Variants in TMEM147 observed in about 807,000 individuals in gnomAD.
TMEM147 encodes the protein BOS complex subunit TMEM147.
Under a neutral mutation model 29.4 loss-of-function variants are expected in TMEM147, and 29 were observed. The ratio of observed to expected loss-of-function variants is 0.99; its 90% confidence interval spans 0.73 to 1.34. TMEM147 has a LOEUF of 1.34. TMEM147 is among the 40% of genes most tolerant of loss of function. The probability of loss-of-function intolerance (pLI) is 0.00; values close to 1 mark genes in which losing one functional copy is unlikely to be tolerated. For missense variants in TMEM147, 260 were observed against 289.4 expected (o/e 0.90, Z 0.74); for synonymous variants, 121 against 111.8 (o/e 1.08, Z -0.52).
At chr19:35,547,287 T>C in intron 6 of TMEM147, 37 bp from the exon 7 acceptor site, 1 of 1,614,116 alleles carries the variant, frequency 6.2e-7, no homozygotes, top group Non-Finnish European at 8.5e-7. Flanking sequence ...GGGTGGGTTA[T>C]CTAGTCTCCC....
In TMEM147 at chr19:35,546,537, G is replaced by T. The variant is rs746637173; in HGVS notation, c.159G>T (p.Leu53Phe). ...LFVQLCKMLF[L>F]ATFFPTWEGG... ...CTTTCTGTTCTCAGATGCTGTTCTT[G>T]GCCACTTTCTTTCCCACCTGGGAAG... The change falls in exon 3 of 7, where the codon TTG becomes TTT. Residue 53 changes from leucine (L) to phenylalanine (F), a missense_variant. Leu to Phe is a conservative substitution (Grantham distance 22, BLOSUM62 0). Transcript: ENST00000222284. 53 of 1,612,918 alleles carry T rather than the reference G, an allele frequency of 3.3e-5. No homozygotes were observed. Among genetic ancestry groups the T allele is most frequent in the Non-Finnish European group, 4.4e-5 (52 of 1,179,542 alleles).
chr19:35,546,367 C>T lies in TMEM147; in HGVS notation c.148-159C>T, dbSNP rs1343207171. 7.3e-6 allele frequency: 6 copies of T among 826,794 alleles called. 1 individual carries two copies. Among genetic ancestry groups the T allele is most frequent in the East Asian group, 2.7e-5 (1 of 36,924 alleles). 51.2% of individuals were successfully genotyped at this position (826,794 alleles called of 1,614,324 possible). ...CCCGGGGACCTATCCTCTATCTCCC[C>T]GATTCCTGTAATTTTGCCACCATCT... is the stretch of plus-strand genomic sequence containing the variant. On this transcript the variant is annotated intron_variant, in intron 2 of 6. Coordinates refer to ENST00000222284, the MANE Select transcript of TMEM147 (RefSeq NM_032635.4).
intron 2 of TMEM147, 157 bp downstream of exon 2, chr19:35,546,114 TAA>T: frequency 1.2e-6 from 1 of 839,972 alleles, no homozygotes; most frequent in Non-Finnish European, 1.9e-6. Flanking sequence ...GGATGGACTT[TAA>T]AGAGGGCACG....
In TMEM147 at chr19:35,545,627, G is replaced by C; in HGVS notation, c.-113G>C. On this transcript the variant is annotated 5_prime_UTR_variant, in exon 1 of 7. Coordinates refer to ENST00000222284, the MANE Select transcript of TMEM147 (RefSeq NM_032635.4). ...GAAGGTCGCGCGCGGGCCCCCGCCA[G>C]TCAGGTGGGTGCCAGGCCCTGGCCG... 1 of 1,201,852 alleles carries C rather than the reference G, an allele frequency of 8.3e-7. No homozygotes were observed. The highest frequency in any genetic ancestry group is 1.1e-6 in the Non-Finnish European group (1 of 883,570). The allele number at this position is 1,201,852 out of a possible 1,614,324, so 74.4% of individuals were successfully genotyped here.
In TMEM147 at chr19:35,547,180, C is replaced by G; in HGVS notation, c.491C>G (p.Thr164Ser). The change falls in exon 6 of 7, where the codon ACC becomes AGC. Residue 164 changes from threonine to serine, a missense_variant. Transcript: ENST00000222284. ...ATAACACGCTATGATCTGTACCACA[C>G]CTTCCGGCCAGCTGTCCTCCTGCTG... is the stretch of plus-strand genomic sequence containing the variant. ...WMITRYDLYH[T>S]FRPAVLLLMF... 6.2e-7 allele frequency: 1 copy of G among 1,614,212 alleles called. No homozygotes were observed. Among genetic ancestry groups the G allele is most frequent in the Non-Finnish European group, 8.5e-7 (1 of 1,180,044 alleles).
rs546558418 is a variant in TMEM147 at position 35,546,969 on chromosome 19, C to T, written c.369C>T (p.Ala123=). The T allele has an allele frequency of 8.3e-5, 134 of 1,614,046 alleles. No homozygotes were observed. The highest frequency in any genetic ancestry group is 1.1e-4 in the Non-Finnish European group (128 of 1,180,048). The change falls in exon 5 of 7, where the codon GCC becomes GCT. Residue 123 remains alanine (A), a synonymous_variant. Transcript: ENST00000222284. ...MSRCIPLWVG[A]RGIEFDWKYI... is the part of the protein sequence containing the mutation. ...GCTGCATTCCCCTATGGGTCGGAGCCCGGGGCATTGAGTTTGACTGGAAGT... is the reference window on the plus strand; with the variant it reads ...GCTGCATTCCCCTATGGGTCGGAGCTCGGGGCATTGAGTTTGACTGGAAGT...
chr19:35,547,269 C>A (rs375463206), intron 6 of TMEM147, 29 bp downstream of exon 6: 88 of 1,613,950 alleles, frequency 5.5e-5, no homozygotes, highest in Non-Finnish European at 7.2e-5. Flanking sequence ...AGGGCTGGGT[C>A]CAAAGTGGGG....
Position 35,547,041 on chromosome 19 carries a change from T to C in TMEM147, c.429+12T>C. 1 of 1,614,212 alleles carries C rather than the reference T, an allele frequency of 6.2e-7. No homozygotes were observed. The highest frequency in any genetic ancestry group is 8.5e-7 in the Non-Finnish European group (1 of 1,180,030). ...CCAACATCAGTCTGGTAGGCAGTCG[T>C]GCTCTCCCACATACACATTTCTGCT... On this transcript the variant is annotated intron_variant, in intron 5 of 6. Coordinates refer to ENST00000222284, the MANE Select transcript of TMEM147 (RefSeq NM_032635.4).
At position 35,546,508 on chromosome 19, in the gene TMEM147, T is replaced by G. The variant is rs779427763; in HGVS notation, c.148-18T>G. ...TCCCCTCACCTTGAAGTGACCTCTT[T>G]CTGCTTTCTGTTCTCAGATGCTGTT... is the stretch of plus-strand genomic sequence containing the variant. On this transcript the variant is annotated intron_variant, in intron 2 of 6. Coordinates refer to ENST00000222284, the MANE Select transcript of TMEM147 (RefSeq NM_032635.4). 1.9e-6 allele frequency: 3 copies of G among 1,607,032 alleles called. No homozygotes were observed. In the East Asian group the frequency reaches 6.7e-5, roughly 36 times the overall value.
chr19:35,546,522 T>G lies in TMEM147; in HGVS notation c.148-4T>G. On this transcript the variant is annotated splice_polypyrimidine_tract_variant and splice_region_variant and intron_variant, in intron 2 of 6. Coordinates refer to ENST00000222284, the MANE Select transcript of TMEM147 (RefSeq NM_032635.4). Reference sequence around the variant, plus strand: ...AGTGACCTCTTTCTGCTTTCTGTTCTCAGATGCTGTTCTTGGCCACTTTCT... The same window carrying G: ...AGTGACCTCTTTCTGCTTTCTGTTCGCAGATGCTGTTCTTGGCCACTTTCT... 6.2e-7 allele frequency: 1 copy of G among 1,611,778 alleles called. No homozygotes were observed. Among genetic ancestry groups the G allele is most frequent in the Non-Finnish European group, 8.5e-7 (1 of 1,179,028 alleles).
chr19:35,546,571 T>G lies in TMEM147; in HGVS notation c.193T>G (p.Tyr65Asp). ...CTTTCCCACCTGGGAAGGCGGCATC[T>G]ATGACTTCATTGGGGTGAGAGGGGC... ...TFFPTWEGGI[Y>D]DFIGEFMKAS... Residue 65 changes from tyrosine (Y) to aspartate (D), a missense_variant, in exon 3 of 7, where the codon TAT becomes GAT. By Grantham distance (160) the Tyr-to-Asp change is radical (BLOSUM62 -3). Transcript: ENST00000222284. 2.5e-6 allele frequency: 4 copies of G among 1,613,506 alleles called. No individual in the cohort carries two copies. The highest frequency in any genetic ancestry group is 3.4e-6 in the Non-Finnish European group (4 of 1,179,792).
chr19:35,546,327 C>T, intron 2 of TMEM147, 199 bp from the exon 3 acceptor site: 1 of 648,232 alleles, frequency 1.5e-6, no homozygotes, highest in Non-Finnish European at 2.6e-6. Flanking sequence ...CTCAAACTTC[C>T]AGCCCCCTCG....
Position 35,547,116 on chromosome 19 carries a change from T to C in TMEM147, c.430-3T>C, listed in dbSNP as rs2146302229. 6.2e-7 allele frequency: 1 copy of C among 1,614,230 alleles called. No individual in the cohort carries two copies. The stretch of plus-strand genomic sequence containing the variant: ...CTGGCCCCGACTTTCTGCCTCCCTC[T>C]AGGTCCATTACATCGTCGCGTCTGC... On this transcript the variant is annotated splice_polypyrimidine_tract_variant and splice_region_variant and intron_variant, in intron 5 of 6. Coordinates refer to ENST00000222284, the MANE Select transcript of TMEM147 (RefSeq NM_032635.4).
chr19:35,546,154 T>C (rs2071554306), intron 2 of TMEM147, 197 bp downstream of exon 2: 3 of 658,414 alleles, frequency 4.6e-6, no homozygotes, highest in Non-Finnish European at 7.7e-6. Flanking sequence ...GAAGCAACTT[T>C]TGCGTAGCAC....
At chr19:35,546,616 C>G (rs1460495980) in intron 3 of TMEM147, 31 bp downstream of exon 3, 46 of 1,610,008 alleles carry the variant, frequency 2.9e-5, no homozygotes, top group Non-Finnish European at 3.7e-5. Context: ...GAAGGGAGTT[C>G]AGGAATGGGG....
chr19:35,545,933 C>T lies in TMEM147; in HGVS notation c.123C>T (p.Thr41=). The T allele has an allele frequency of 6.2e-7, 1 of 1,613,902 alleles. No homozygotes were observed. Among genetic ancestry groups the T allele is most frequent in the Non-Finnish European group, 8.5e-7 (1 of 1,179,894 alleles). Reference sequence around the variant, plus strand: ...GGAAATGCGTCCAGGCTGGAGTCACCTACCTCTTTGTCCAACTCTGCAAGG... The same window carrying T: ...GGAAATGCGTCCAGGCTGGAGTCACTTACCTCTTTGTCCAACTCTGCAAGG... ...AFWKCVQAGV[T]YLFVQLCKML... Residue 41 remains threonine, a synonymous_variant, in exon 2 of 7, where the codon ACC becomes ACT. Transcript: ENST00000222284.
chr19:35,547,098 C>T (rs772513018), intron 5 of TMEM147, 21 bp from the exon 6 acceptor site: 7 of 1,614,084 alleles, frequency 4.3e-6, no homozygotes, highest in African/African-American at 2.7e-5. Flanking sequence ...GGCCTGGCCC[C>T]GACTTTCTGC....
At position 35,545,919 on chromosome 19, in the gene TMEM147, C is replaced by T; in HGVS notation, c.109C>T (p.Gln37Ter). Residue 37 changes from glutamine (Q) to a stop codon, truncating the protein, a stop_gained, in exon 2 of 7, where the codon CAG (glutamine) becomes TAG (stop). Transcript: ENST00000222284. LOFTEE classifies it high-confidence loss of function. ...GTACAACGCCTTCTGGAAATGCGTC[C>T]AGGCTGGAGTCACCTACCTCTTTGT... ...SEYNAFWKCV[Q>*]AGVTYLFVQL... 6.2e-7 allele frequency: 1 copy of T among 1,613,964 alleles called. No homozygotes were observed. Among genetic ancestry groups the T allele is most frequent in the Non-Finnish European group, 8.5e-7 (1 of 1,179,906 alleles).
At position 35,547,013 on chromosome 19, in the gene TMEM147, A is replaced by C. The variant is rs564398657; in HGVS notation, c.413A>C (p.Asp138Ala). 6.2e-7 allele frequency: 1 copy of C among 1,613,846 alleles called. No homozygotes were observed. The highest frequency in any genetic ancestry group is 1.1e-5 in the South Asian group (1 of 91,062). ...FDWKYIQMSI[D>A]SNISLVHYIV... is the part of the protein sequence containing the mutation. ...TGGAAGTACATCCAGATGAGCATAG[A>C]CTCCAACATCAGTCTGGTAGGCAGT... is the stretch of plus-strand genomic sequence containing the variant. Residue 138 changes from aspartate to alanine, a missense_variant, in exon 5 of 7, where the codon GAC becomes GCC. Physicochemically the swap from Asp to Ala is moderately radical, Grantham distance 126. Coordinates refer to ENST00000222284, the MANE Select transcript of TMEM147 (RefSeq NM_032635.4).
Sources: gnomAD v4.1 joint callset for allele counts on GRCh38, gnomAD v4.1.1 for gene constraint, MANE v1.5 for transcripts, NCBI Gene and HGNC (gene_info 2026-07-23, HGNC 2026-07-21) for gene names.